SLC25A31: variants seen among roughly 807,000 people sequenced by gnomAD.
SLC25A31 encodes solute carrier family 25 member 31, also known as ADP/ATP translocase 4.
In SLC25A31, 40 loss-of-function variants were observed where a neutral mutation model predicts 36.2. The observed-to-expected ratio is 1.10, with a 90% confidence interval of 0.86 to 1.44. The LOEUF (loss-of-function observed/expected upper bound fraction) is 1.44, where lower values mean the gene tolerates loss of function less well. Ranked by LOEUF, SLC25A31 falls within the 40% of genes most tolerant of loss-of-function variation. The pLI is 0.00. For missense variants in SLC25A31, 350 were observed against 397.1 expected (o/e 0.88, Z 1.01); for synonymous variants, 143 against 149.7 (o/e 0.96, Z 0.32).
At chr4:127,744,833 A>G (rs1322849156) in intron 2 of SLC25A31, 34 bp downstream of exon 2, 53 of 1,339,524 alleles carry the variant, frequency 4.0e-5, no homozygotes, top group Non-Finnish European at 5.1e-5. Context: ...TTTTCTTCCA[A>G]TATAGAAATT....
intron 2 of SLC25A31, among the ~76,000 whole-genome samples, chr4:127,760,775 C>T (rs1011529215): frequency 6.6e-6 from 1 of 152,172 alleles, no homozygotes; most frequent in East Asian, 1.9e-4. Context: ...CATGGTGGCT[C>T]ACGCCTGTAA....
intron 2 of SLC25A31, among the ~76,000 whole-genome samples, chr4:127,750,252 A>G (rs1360247704): frequency 6.6e-6 from 1 of 152,202 alleles, no homozygotes; most frequent in Non-Finnish European, 1.5e-5. Context: ...TAAGTGGTAA[A>G]GGTATACAGG....
intron 2 of SLC25A31, among the ~76,000 whole-genome samples, chr4:127,757,274 C>A (rs1732049032): frequency 6.6e-6 from 1 of 152,190 alleles, no homozygotes; most frequent in South Asian, 2.1e-4. Context: ...AGCTTTTTAA[C>A]CCTTCCCCCA....
At chr4:127,772,067 A>T (rs926196334) in intron 5 of SLC25A31, among the ~76,000 whole-genome samples, 8 of 152,154 alleles carry the variant, frequency 5.3e-5, no homozygotes, top group Admixed American at 1.3e-4. Flanking sequence ...TGACTTCAGT[A>T]GCAAGTCTGT....
intron 2 of SLC25A31, among the ~76,000 whole-genome samples, chr4:127,755,751 G>A (rs1465452701): frequency 6.6e-6 from 1 of 152,098 alleles, no homozygotes; most frequent in African/African-American, 2.4e-5. Flanking sequence ...ACTAAAAATA[G>A]GGCCAGGTGC....
chr4:127,735,923 TC>T (rs1731623614), intron 1 of SLC25A31, among the ~76,000 whole-genome samples: 1 of 143,956 alleles, frequency 6.9e-6, no homozygotes, highest in East Asian at 2.1e-4. Flanking sequence ...GGAGTCTCGC[TC>T]TGTCGCCCAG....
intron 2 of SLC25A31, among the ~76,000 whole-genome samples, chr4:127,745,174 T>A (rs1319140357): frequency 6.6e-6 from 1 of 152,202 alleles, no homozygotes; most frequent in East Asian, 1.9e-4. Flanking sequence ...ATTTATATCC[T>A]GAAGAAGTAA....
At chr4:127,748,758 C>T (rs995082695) in intron 2 of SLC25A31, among the ~76,000 whole-genome samples, 3 of 152,276 alleles carry the variant, frequency 2.0e-5, no homozygotes, top group Non-Finnish European at 2.9e-5. Flanking sequence ...ATCAGTCCAA[C>T]GACCTAACAG....
chr4:127,767,454 C>G (rs1732267473), intron 4 of SLC25A31, among the ~76,000 whole-genome samples: 1 of 152,120 alleles, frequency 6.6e-6, no homozygotes, highest in Non-Finnish European at 1.5e-5. Flanking sequence ...GAGGTGTTTT[C>G]ACTGTACATC....
chr4:127,768,343 G>C (rs1042742548), intron 4 of SLC25A31, among the ~76,000 whole-genome samples: 1 of 151,996 alleles, frequency 6.6e-6, no homozygotes, highest in Non-Finnish European at 1.5e-5. Context: ...ATCACCTGCA[G>C]TAGTTATGAA....
At chr4:127,745,718 G>A (rs79402346) in intron 2 of SLC25A31, among the ~76,000 whole-genome samples, 1 of 152,180 alleles carries the variant, frequency 6.6e-6, no homozygotes, top group Non-Finnish European at 1.5e-5. Flanking sequence ...GCAGGGTGAG[G>A]GGGCACAGGT....
At chr4:127,736,805 T>C (rs1026211799) in intron 1 of SLC25A31, among the ~76,000 whole-genome samples, 1 of 152,216 alleles carries the variant, frequency 6.6e-6, no homozygotes, top group Non-Finnish European at 1.5e-5. Context: ...TTGTTACTAA[T>C]GTGTATGTGT....
intron 1 of SLC25A31, among the ~76,000 whole-genome samples, chr4:127,731,184 G>T (rs1382375553): frequency 6.6e-6 from 1 of 152,156 alleles, no homozygotes; most frequent in Non-Finnish European, 1.5e-5. Context: ...GCTCCAGCAT[G>T]GGCGACAGAG....
intron 1 of SLC25A31, among the ~76,000 whole-genome samples, chr4:127,731,520 C>T (rs1190140537): frequency 6.6e-6 from 1 of 152,154 alleles, no homozygotes; most frequent in Non-Finnish European, 1.5e-5. Context: ...ACAAGCCTGA[C>T]TAACATGGCG....
chr4:127,743,296 A>T (rs1001623086), intron 1 of SLC25A31, among the ~76,000 whole-genome samples: 1 of 151,900 alleles, frequency 6.6e-6, no homozygotes, highest in African/African-American at 2.4e-5. Context: ...GCACACGGCT[A>T]ATTTATTTTT....
At position 127,764,383 on chromosome 4, in the gene SLC25A31, A is replaced by G. The variant is rs376954139; in HGVS notation, c.478+23A>G. On this transcript the variant is annotated intron_variant, in intron 3 of 5. Transcript: ENST00000281154. ...AAGGTATGAGATTTTTAGAAATACT[A>G]ACTTTTCCTTCTTTGCATTTTGAAC... 80 of 1,560,770 alleles carry G rather than the reference A, an allele frequency of 5.1e-5. 1 individual carries two copies. Among genetic ancestry groups the G allele is most frequent in the African/African-American group, 3.0e-4 (22 of 73,870 alleles).
chr4:127,740,369 T>C (rs1052535517), intron 1 of SLC25A31, among the ~76,000 whole-genome samples: 3 of 152,188 alleles, frequency 2.0e-5, no homozygotes, highest in African/African-American at 7.2e-5. Context: ...CTGTAGACAA[T>C]GTTGGACAGG....
At chr4:127,730,835 A>T (rs1731509580) in intron 1 of SLC25A31, 58 bp downstream of exon 1, 1 of 1,500,268 alleles carries the variant, frequency 6.7e-7, no homozygotes. Flanking sequence ...AGCTTCCCAG[A>T]GAAGAGGGTG....
intron 2 of SLC25A31, among the ~76,000 whole-genome samples, chr4:127,759,170 T>G (rs1481418238): frequency 2.0e-5 from 3 of 152,098 alleles, no homozygotes; most frequent in Non-Finnish European, 4.4e-5. Flanking sequence ...GTAGTTCTCC[T>G]TGTAGGGATC....
Sources: gnomAD v4.1 joint callset for allele counts (sites outside exome capture counted in the v4.1 genomes callset) on GRCh38, gnomAD v4.1.1 for gene constraint, MANE v1.5 for transcripts, NCBI Gene and HGNC (gene_info 2026-07-23, HGNC 2026-07-21) for gene names.